Variants in RYR2 observed in about 807,000 individuals in gnomAD.
RYR2 encodes the protein ryanodine receptor 2.
RYR2 carries 227 observed loss-of-function variants against 601.1 expected under a neutral mutation model. The observed-to-expected ratio is 0.38, with a 90% CI of 0.34 to 0.42. The LOEUF is 0.42. RYR2 is among the 10% of genes least tolerant of loss of function. The pLI is 1.00. For missense variants in RYR2, 4,646 were observed against 6,156.5 expected (o/e 0.75, Z 8.21); for synonymous variants, 2,223 against 2,175.1 (o/e 1.02, Z -0.61).
intron 12 of RYR2, among the ~76,000 whole-genome samples, chr1:237,437,770 T>C (rs1707547974): frequency 6.6e-6 from 1 of 152,204 alleles, no homozygotes; most frequent in Admixed American, 6.5e-5. Context: ...AAAAGAGTCA[T>C]TTTATCTTTG....
intron 2 of RYR2, among the ~76,000 whole-genome samples, chr1:237,275,782 AT>A (rs1162177967): frequency 6.6e-6 from 1 of 152,200 alleles, no homozygotes; most frequent in Non-Finnish European, 1.5e-5. Context: ...TATTGACAAT[AT>A]TTTAGGCCAC....
chr1:237,453,083 T>C (rs1558844175), intron 14 of RYR2, among the ~76,000 whole-genome samples: 1 of 152,118 alleles, frequency 6.6e-6, no homozygotes, highest in Non-Finnish European at 1.5e-5. Flanking sequence ...TTGTTATACA[T>C]TTATTTATGT....
chr1:237,266,480 C>T (rs1689071231), intron 1 of RYR2, among the ~76,000 whole-genome samples: 1 of 152,132 alleles, frequency 6.6e-6, no homozygotes, highest in African/African-American at 2.4e-5. Context: ...TTATCAAAAC[C>T]TCTCAAATGC....
intron 2 of RYR2, among the ~76,000 whole-genome samples, chr1:237,298,995 T>TA (rs1239665937): frequency 6.6e-6 from 1 of 152,126 alleles, no homozygotes; most frequent in East Asian, 1.9e-4. Context: ...CTCCCCTCTC[T>TA]AAAAAATAAA....
chr1:237,372,375 A>G (rs181287273), intron 6 of RYR2, among the ~76,000 whole-genome samples: 1 of 152,338 alleles, frequency 6.6e-6, no homozygotes, highest in East Asian at 1.9e-4. Flanking sequence ...AGTGATAAAG[A>G]TTATCAGTGT....
chr1:237,554,202 A>G (rs1670667303), intron 27 of RYR2, among the ~76,000 whole-genome samples: 1 of 151,880 alleles, frequency 6.6e-6, no homozygotes, highest in Non-Finnish European at 1.5e-5. Flanking sequence ...TTTTATCATA[A>G]ATAGGGTCAT....
intron 77 of RYR2, among the ~76,000 whole-genome samples, chr1:237,731,470 G>A (rs374878580): frequency 7.9e-5 from 12 of 152,176 alleles, no homozygotes; most frequent in African/African-American, 2.2e-4. Context: ...GTGTGTAAGC[G>A]AAGAAAATAT....
intron 3 of RYR2, among the ~76,000 whole-genome samples, chr1:237,354,659 G>A (rs1213424166): frequency 1.3e-5 from 2 of 151,910 alleles, no homozygotes; most frequent in East Asian, 1.9e-4. Flanking sequence ...TAAAGGAATG[G>A]ATTCATCACT....
chr1:237,666,077 G>A (rs1403350177), intron 56 of RYR2, among the ~76,000 whole-genome samples: 1 of 152,142 alleles, frequency 6.6e-6, no homozygotes, highest in Non-Finnish European at 1.5e-5. Context: ...GATATACTAT[G>A]ATAATTTAAA....
At chr1:237,529,495 G>A (rs185051242) in intron 24 of RYR2, among the ~76,000 whole-genome samples, 9 of 151,830 alleles carry the variant, frequency 5.9e-5, no homozygotes, top group East Asian at 5.8e-4. Flanking sequence ...TATAATGTAC[G>A]TATATGTATA....
chr1:237,120,182 G>T (rs530301534), intron 1 of RYR2, among the ~76,000 whole-genome samples: 2 of 152,000 alleles, frequency 1.3e-5, no homozygotes, highest in East Asian at 3.9e-4. Context: ...TTTTTATCAG[G>T]GGTTTTGAGA....
Position 237,643,835 on chromosome 1 carries a change from C to T in RYR2, c.7342+388C>T, listed in dbSNP as rs528314970. On this transcript the variant is annotated intron_variant, in intron 48 of 104. Coordinates refer to ENST00000366574, the MANE Select transcript of RYR2 (RefSeq NM_001035.3). The stretch of plus-strand genomic sequence containing the variant: ...TTCACCGTGTTAGCCAGGATGGTCT[C>T]GATCTCCTGACCTCGTGATCCGCCT... Among the ~76,000 whole-genome samples, 29 of 152,152 alleles carry T rather than the reference C, an allele frequency of 1.9e-4. 2 individuals carry two copies. The South Asian group carries it at 5.8e-3, about 30-fold the overall frequency.
At chr1:237,390,250 T>C (rs1464348978) in intron 10 of RYR2, among the ~76,000 whole-genome samples, 2 of 148,578 alleles carry the variant, frequency 1.3e-5, no homozygotes, top group African/African-American at 2.6e-5. Context: ...TAGAGCTTTT[T>C]CGGCTGTATC....
intron 24 of RYR2, among the ~76,000 whole-genome samples, chr1:237,520,058 T>G (rs1176732803): frequency 6.6e-6 from 1 of 152,176 alleles, no homozygotes; most frequent in Non-Finnish European, 1.5e-5. Context: ...ATTTTAATTT[T>G]TATGTGGATA....
At chr1:237,494,511 C>A (rs1024035594) in intron 19 of RYR2, among the ~76,000 whole-genome samples, 4 of 152,138 alleles carry the variant, frequency 2.6e-5, no homozygotes, top group African/African-American at 9.7e-5. Flanking sequence ...CTCTCCCAGC[C>A]CACTGACTCA....
intron 3 of RYR2, among the ~76,000 whole-genome samples, chr1:237,348,976 G>A (rs1359187470): frequency 2.6e-5 from 4 of 152,154 alleles, no homozygotes; most frequent in Non-Finnish European, 4.4e-5. Context: ...GGCCTATGTG[G>A]AGAAAAGAAC....
chr1:237,043,188 A>C lies in RYR2; in HGVS notation c.48+619A>C, dbSNP rs565463479. ...AGTCAAGGTGCTGCGAAAGCGGAGG[A>C]GGAGTCGCCTCCGTGGTCCCCGCGG... On this transcript the variant is annotated intron_variant, in intron 1 of 104. Coordinates refer to ENST00000366574, the MANE Select transcript of RYR2 (RefSeq NM_001035.3). Among the ~76,000 whole-genome samples the C allele has an allele frequency of 1.1e-3, 163 of 152,206 alleles. 1 individual carries two copies. Among genetic ancestry groups the C allele is most frequent in the Non-Finnish European group, 1.2e-3 (85 of 68,004 alleles).
chr1:237,210,771 G>A (rs990139083), intron 1 of RYR2, among the ~76,000 whole-genome samples: 6 of 152,148 alleles, frequency 3.9e-5, no homozygotes, highest in Non-Finnish European at 8.8e-5. Flanking sequence ...AGCAGGCACC[G>A]GGGACCACAG....
chr1:237,081,907 TC>T lies in RYR2; in HGVS notation c.48+39341del, dbSNP rs200788335. On this transcript the variant is annotated intron_variant, in intron 1 of 104. Transcript: ENST00000366574. ...TCCACCAGGCACTACTTGGCGATGA[TC>T]CCTGGGAGGCAGGAGACATCAGCAC... Among the ~76,000 whole-genome samples, 825 of 152,232 alleles carry T rather than the reference TC, an allele frequency of 5.4e-3. 11 individuals carry two copies. The highest frequency in any genetic ancestry group is 0.017 in the African/African-American group (716 of 41,532).
Sources: gnomAD v4.1 joint callset for allele counts (sites outside exome capture counted in the v4.1 genomes callset) on GRCh38, gnomAD v4.1.1 for gene constraint, MANE v1.5 for transcripts, NCBI Gene and HGNC (gene_info 2026-07-23, HGNC 2026-07-21) for gene names.